SPATS2: variants seen among roughly 807,000 people sequenced by gnomAD.
SPATS2 encodes the protein spermatogenesis associated serine rich 2.
In SPATS2, 38 loss-of-function variants were observed where a neutral mutation model predicts 63.7. The observed-to-expected ratio is 0.60, with a 90% CI of 0.46 to 0.78. SPATS2 has a LOEUF of 0.78. Ranked by LOEUF, SPATS2 falls within the 30% of genes least tolerant of loss-of-function variation. SPATS2 has a pLI of 0.00. For missense variants in SPATS2, 588 were observed against 666.2 expected, an observed-to-expected ratio of 0.88 and a Z score of 1.29; for synonymous variants, 207 against 232.9, an observed-to-expected ratio of 0.89 and a Z score of 1.01.
chr12:49,513,231 GTGTGTT>G (rs1239903688), intron 9 of SPATS2, among the ~76,000 whole-genome samples: 1 of 151,634 alleles, frequency 6.6e-6, no homozygotes, highest in Non-Finnish European at 1.5e-5. Context: ...GTGTGTGTGT[GTGTGTT>G]TGAGTGTGAT....
At chr12:49,517,426 G>A (rs1032269210) in intron 10 of SPATS2, among the ~76,000 whole-genome samples, 18 of 152,088 alleles carry the variant, frequency 1.2e-4, no homozygotes, top group African/African-American at 3.4e-4. Context: ...TTTTTCTGAC[G>A]TGAATTTGGC....
chr12:49,513,627 T>C (rs1399125951), intron 9 of SPATS2, among the ~76,000 whole-genome samples: 1 of 152,212 alleles, frequency 6.6e-6, no homozygotes, highest in African/African-American at 2.4e-5. Flanking sequence ...ATTCCATCCT[T>C]CCTAGTTACT....
intron 2 of SPATS2, among the ~76,000 whole-genome samples, chr12:49,421,588 C>G (rs1365084607): frequency 7.9e-5 from 12 of 152,088 alleles, no homozygotes. Flanking sequence ...ATGCCTAATT[C>G]TGGTCCATTT....
intron 10 of SPATS2, 56 bp downstream of exon 10, chr12:49,514,669 C>T (rs1946809467): frequency 6.7e-7 from 1 of 1,494,894 alleles, no homozygotes. Context: ...TAGGTACCTA[C>T]TTCCCAACCC....
chr12:49,471,452 T>G (rs1225158547), intron 3 of SPATS2, among the ~76,000 whole-genome samples: 1 of 152,204 alleles, frequency 6.6e-6, no homozygotes, highest in East Asian at 1.9e-4. Flanking sequence ...TCATCCTGCC[T>G]TAGCCTCTTG....
At chr12:49,497,274 A>G (rs1378865317) in intron 8 of SPATS2, among the ~76,000 whole-genome samples, 2 of 152,076 alleles carry the variant, frequency 1.3e-5, no homozygotes, top group African/African-American at 4.8e-5. Context: ...AGAATGATTT[A>G]CCTGCTAACA....
At chr12:49,374,450 C>T (rs947646347) in intron 2 of SPATS2, among the ~76,000 whole-genome samples, 1 of 152,236 alleles carries the variant, frequency 6.6e-6, no homozygotes, top group African/African-American at 2.4e-5. Context: ...TCTTTAGCCA[C>T]TGGATATTAA....
At chr12:49,421,574 G>A (rs1319214720) in intron 2 of SPATS2, among the ~76,000 whole-genome samples, 7 of 152,020 alleles carry the variant, frequency 4.6e-5, no homozygotes, top group Non-Finnish European at 8.8e-5. Flanking sequence ...AGTTTCCATC[G>A]AAGATGCCTA....
At chr12:49,438,764 A>G (rs950489259) in intron 2 of SPATS2, among the ~76,000 whole-genome samples, 1 of 152,226 alleles carries the variant, frequency 6.6e-6, no homozygotes, top group African/African-American at 2.4e-5. Context: ...TTACCTTGTT[A>G]TATAACCCTC....
At chr12:49,471,703 A>G (rs1440410866) in intron 3 of SPATS2, among the ~76,000 whole-genome samples, 1 of 152,194 alleles carries the variant, frequency 6.6e-6, no homozygotes, top group Admixed American at 6.5e-5. Context: ...TTGTACAACC[A>G]TTACTGTCAT....
intron 2 of SPATS2, among the ~76,000 whole-genome samples, chr12:49,431,431 G>A (rs1179933468): frequency 6.6e-6 from 1 of 152,004 alleles, no homozygotes; most frequent in African/African-American, 2.4e-5. Context: ...TGCTTTTTTA[G>A]TAGAGACGGG....
At chr12:49,382,256 C>T (rs1290598478) in intron 2 of SPATS2, among the ~76,000 whole-genome samples, 2 of 152,234 alleles carry the variant, frequency 1.3e-5, no homozygotes, top group Admixed American at 1.3e-4. Context: ...CACAATAGCA[C>T]TTATCCTAGT....
chr12:49,412,566 A>G (rs976016149), intron 2 of SPATS2, among the ~76,000 whole-genome samples: 2 of 151,430 alleles, frequency 1.3e-5, no homozygotes. Context: ...ACCATTGATT[A>G]TGTGTGTGTG....
intron 1 of SPATS2, among the ~76,000 whole-genome samples, chr12:49,369,347 C>G (rs1417672478): frequency 1.3e-5 from 2 of 152,096 alleles, no homozygotes; most frequent in South Asian, 2.1e-4. Flanking sequence ...TTTAATTGAC[C>G]TCTTTCAGTG....
At chr12:49,447,488 C>G (rs966027684) in intron 2 of SPATS2, among the ~76,000 whole-genome samples, 1 of 150,700 alleles carries the variant, frequency 6.6e-6, no homozygotes, top group African/African-American at 2.4e-5. Flanking sequence ...CCCCCCACCT[C>G]GGCCTCCCAA....
chr12:49,387,315 G>A (rs1390380838), intron 2 of SPATS2, among the ~76,000 whole-genome samples: 1 of 151,784 alleles, frequency 6.6e-6, no homozygotes, highest in Non-Finnish European at 1.5e-5. Flanking sequence ...CGGAACTAGA[G>A]ATATGCAGAA....
At chr12:49,492,146 C>T (rs1946392875) in intron 6 of SPATS2, among the ~76,000 whole-genome samples, 1 of 152,106 alleles carries the variant, frequency 6.6e-6, no homozygotes, top group African/African-American at 2.4e-5. Context: ...TAACTTCTTC[C>T]TGCTGCTTTC....
rs571412974 is a variant in SPATS2, at chr12:49,507,473, C to T, written c.840-7082C>T. Among the ~76,000 whole-genome samples the T allele has an allele frequency of 4.6e-5, 7 of 152,200 alleles. No individual in the cohort carries two copies. In the South Asian group the frequency reaches 1.5e-3, roughly 32 times the overall value. On this transcript the variant is annotated intron_variant, in intron 9 of 13. Coordinates refer to ENST00000552918, the MANE Select transcript of SPATS2 (RefSeq NM_023071.4). ...GTCAGAGGCTGAGGTATAATGAGAG[C>T]ATTTGATGGAGGGATCTGAATTTTG...
chr12:49,464,627 TAAAA>T (rs562743662), intron 3 of SPATS2, among the ~76,000 whole-genome samples: 1 of 107,278 alleles, frequency 9.3e-6, no homozygotes. Flanking sequence ...AACTCCATCT[TAAAA>T]AAAAAAAAAA....
Sources: allele counts gnomAD v4.1 joint callset (sites outside exome capture counted in the v4.1 genomes callset), GRCh38; gene constraint gnomAD v4.1.1; transcripts MANE v1.5; gene names NCBI Gene and HGNC (gene_info 2026-07-23, HGNC 2026-07-21).